Variants in TESK2 observed in about 807,000 individuals in gnomAD.
The protein encoded by TESK2 is testis associated actin remodelling kinase 2.
A neutral mutation model predicts 57.1 loss-of-function variants in TESK2; 39 were observed. The observed-to-expected ratio is 0.68, with a 90% confidence interval of 0.53 to 0.89. The LOEUF (loss-of-function observed/expected upper bound fraction) is 0.89, where lower values mean the gene tolerates loss of function less well. Ranked by LOEUF, TESK2 falls within the 40% of genes least tolerant of loss-of-function variation. The pLI, the probability that TESK2 is intolerant of heterozygous loss-of-function variation, is 0.00. For synonymous variants in TESK2, 249 were observed against 267.9 expected, an observed-to-expected ratio of 0.93 and a Z score of 0.69; for missense variants, 646 against 732.1, an observed-to-expected ratio of 0.88 and a Z score of 1.36.
chr1:45,426,769 AT>A (rs1650711446), intron 2 of TESK2, among the ~76,000 whole-genome samples: 1 of 152,172 alleles, frequency 6.6e-6, no homozygotes, highest in South Asian at 2.1e-4. Context: ...TAACAATCAG[AT>A]TTTTTAAATG....
chr1:45,382,541 T>C (rs1477843302), intron 4 of TESK2, among the ~76,000 whole-genome samples: 2 of 152,186 alleles, frequency 1.3e-5, no homozygotes, highest in African/African-American at 2.4e-5. Flanking sequence ...GCCCAGACTA[T>C]GCTTTCACTT....
intron 2 of TESK2, among the ~76,000 whole-genome samples, chr1:45,454,308 A>G (rs1651986686): frequency 6.6e-6 from 1 of 152,146 alleles, no homozygotes. Context: ...GTTTTGCAAA[A>G]TGAAAAAGTT....
chr1:45,445,693 G>C (rs1318756048), intron 2 of TESK2, among the ~76,000 whole-genome samples: 1 of 151,550 alleles, frequency 6.6e-6, no homozygotes, highest in African/African-American at 2.4e-5. Context: ...TACTTGGGAG[G>C]CTGAGGCAGG....
intron 1 of TESK2, among the ~76,000 whole-genome samples, chr1:45,489,242 C>A (rs74849674): frequency 0.043 from 6,546 of 152,216 alleles, 212 homozygotes; most frequent in South Asian, 0.07. Flanking sequence ...TCTTTGGCTC[C>A]TATTATAATG....
At chr1:45,435,551 A>T (rs2356411) in intron 2 of TESK2, among the ~76,000 whole-genome samples, 1 of 132,956 alleles carries the variant, frequency 7.5e-6, no homozygotes, top group Non-Finnish European at 1.6e-5. Context: ...GGTGTAAGCC[A>T]CTGTGGTCTA....
At chr1:45,444,014 CA>C (rs1651553088) in intron 2 of TESK2, among the ~76,000 whole-genome samples, 1 of 151,892 alleles carries the variant, frequency 6.6e-6, no homozygotes, top group Non-Finnish European at 1.5e-5. Flanking sequence ...ACTATCTCTA[CA>C]AAAAAATTTA....
At chr1:45,378,430 C>T (rs1648523187) in intron 4 of TESK2, among the ~76,000 whole-genome samples, 1 of 152,160 alleles carries the variant, frequency 6.6e-6, no homozygotes, top group African/African-American at 2.4e-5. Flanking sequence ...TGGTTTGTAC[C>T]AGTCTAACTA....
chr1:45,484,104 C>CTTTTT (rs533666070), intron 1 of TESK2, among the ~76,000 whole-genome samples: 1 of 84,862 alleles, frequency 1.2e-5, no homozygotes, highest in Non-Finnish European at 2.3e-5. Flanking sequence ...TTTAATTCTT[C>CTTTTT]TTTTTTTTTT....
intron 5 of TESK2, among the ~76,000 whole-genome samples, chr1:45,353,817 T>C (rs9429076): frequency 0.36 from 54,285 of 152,088 alleles, 11,370 homozygotes; most frequent in African/African-American, 0.57. Flanking sequence ...CTATGAGGTG[T>C]CTGTTTTGTG....
chr1:45,380,022 C>T (rs538166089), intron 4 of TESK2, among the ~76,000 whole-genome samples: 36 of 152,144 alleles, frequency 2.4e-4, no homozygotes, highest in Non-Finnish European at 4.3e-4. Context: ...CCTCAGCCTC[C>T]GGAGTAACTG....
intron 2 of TESK2, among the ~76,000 whole-genome samples, chr1:45,430,521 C>A (rs1406247317): frequency 6.6e-6 from 1 of 151,984 alleles, no homozygotes; most frequent in East Asian, 1.9e-4. Context: ...AAAATAGAGT[C>A]GTGAGTAAAC....
intron 1 of TESK2, among the ~76,000 whole-genome samples, chr1:45,481,004 A>C (rs1653195016): frequency 6.6e-6 from 1 of 151,326 alleles, no homozygotes; most frequent in African/African-American, 2.4e-5. Flanking sequence ...ATAATAATAT[A>C]TATAACCAAA....
intron 1 of TESK2, among the ~76,000 whole-genome samples, chr1:45,479,085 C>A (rs1469827773): frequency 2.0e-5 from 3 of 152,096 alleles, no homozygotes; most frequent in East Asian, 3.8e-4. Flanking sequence ...CCTTTAAAAT[C>A]TCTATTTTCC....
intron 1 of TESK2, among the ~76,000 whole-genome samples, chr1:45,488,668 GTACC>G (rs1415408089): frequency 6.6e-6 from 1 of 152,168 alleles, no homozygotes; most frequent in Non-Finnish European, 1.5e-5. Flanking sequence ...GCATCTTTAT[GTACC>G]TGGCATATAG....
intron 3 of TESK2, among the ~76,000 whole-genome samples, chr1:45,398,403 G>A (rs1308794403): frequency 6.6e-6 from 1 of 152,018 alleles, no homozygotes; most frequent in Non-Finnish European, 1.5e-5. Flanking sequence ...AAATTAGCTG[G>A]GTGTGGTGGC....
At chr1:45,356,309 A>C (rs1376160392) in intron 4 of TESK2, among the ~76,000 whole-genome samples, 1 of 152,204 alleles carries the variant, frequency 6.6e-6, no homozygotes, top group Non-Finnish European at 1.5e-5. Context: ...GGAGAGGAGT[A>C]GGTTTTTAGA....
intron 1 of TESK2, among the ~76,000 whole-genome samples, chr1:45,486,811 A>ACACACACACACACACACC (rs1653498482): frequency 6.7e-6 from 1 of 148,622 alleles, no homozygotes; most frequent in Non-Finnish European, 1.5e-5. Context: ...ACACACACAC[A>ACACACACACACACACACC]CACACACATA....
At chr1:45,435,957 C>T (rs1261069317) in intron 2 of TESK2, among the ~76,000 whole-genome samples, 1 of 151,654 alleles carries the variant, frequency 6.6e-6, no homozygotes, top group East Asian at 1.9e-4. Context: ...GCTGTAAACA[C>T]GTGGATTTAT....
intron 4 of TESK2, among the ~76,000 whole-genome samples, chr1:45,358,662 C>T (rs944243131): frequency 1.3e-5 from 2 of 151,026 alleles, no homozygotes; most frequent in African/African-American, 2.4e-5. Flanking sequence ...TGTCAGACAA[C>T]GTGCAGACAT....
Sources: gnomAD v4.1 joint callset for allele counts (sites outside exome capture counted in the v4.1 genomes callset) on GRCh38, gnomAD v4.1.1 for gene constraint, MANE v1.5 for transcripts, NCBI Gene and HGNC (gene_info 2026-07-23, HGNC 2026-07-21) for gene names.